Variants in PAPPA observed in about 807,000 individuals in gnomAD.
PAPPA encodes pappalysin 1.
A neutral mutation model predicts 164.0 loss-of-function variants in PAPPA; 60 were observed. The ratio of observed to expected loss-of-function variants is 0.37; its 90% CI spans 0.30 to 0.45. The LOEUF (loss-of-function observed/expected upper bound fraction) is 0.45. Among genes scored for constraint, PAPPA ranks in the 20% least tolerant of loss-of-function variants. PAPPA has a pLI of 1.00. For synonymous variants in PAPPA, 875 were observed against 814.1 expected (o/e 1.07, Z -1.27); for missense variants, 1,782 against 2,087.3 (o/e 0.85, Z 2.85).
At chr9:116,306,364 A>C (rs945491823) in intron 10 of PAPPA, among the ~76,000 whole-genome samples, 3 of 152,212 alleles carry the variant, frequency 2.0e-5, no homozygotes, top group African/African-American at 4.8e-5. Flanking sequence ...TTCAGTTTTG[A>C]TGTTGTAAAA....
intron 7 of PAPPA, among the ~76,000 whole-genome samples, chr9:116,237,148 C>T (rs1844678268): frequency 6.6e-6 from 1 of 152,194 alleles, no homozygotes; most frequent in Non-Finnish European, 1.5e-5. Flanking sequence ...AAGGGCAGAA[C>T]CACTTTCAAA....
At chr9:116,262,215 A>C (rs1001092441) in intron 7 of PAPPA, among the ~76,000 whole-genome samples, 1 of 152,040 alleles carries the variant, frequency 6.6e-6, no homozygotes, top group African/African-American at 2.4e-5. Flanking sequence ...AAAAAAAAAA[A>C]AATCGCAAAG....
chr9:116,374,177 TGATGATGGTGG>T (rs1846617522), intron 19 of PAPPA, among the ~76,000 whole-genome samples: 4 of 116,342 alleles, frequency 3.4e-5, no homozygotes, highest in Admixed American at 2.0e-4. Context: ...GTGTTGATGA[TGATGATGGTGG>T]TGATGATGAT....
At chr9:116,225,441 C>A (rs936108952) in intron 5 of PAPPA, among the ~76,000 whole-genome samples, 2 of 152,168 alleles carry the variant, frequency 1.3e-5, no homozygotes, top group African/African-American at 4.8e-5. Context: ...ATCCTATATT[C>A]CATTGCCCAG....
intron 13 of PAPPA, among the ~76,000 whole-genome samples, chr9:116,336,091 A>G (rs1214193994): frequency 6.6e-6 from 1 of 152,168 alleles, no homozygotes; most frequent in African/African-American, 2.4e-5. Context: ...AGGGCCCAGA[A>G]AGGGAAGAAC....
chr9:116,396,071 A>G (rs181924205), intron 21 of PAPPA, among the ~76,000 whole-genome samples: 1 of 152,288 alleles, frequency 6.6e-6, no homozygotes, highest in Non-Finnish European at 1.5e-5. Flanking sequence ...TATCAGCTCT[A>G]CATAGGGACC....
intron 2 of PAPPA, among the ~76,000 whole-genome samples, chr9:116,192,570 G>T (rs1844055428): frequency 6.6e-6 from 1 of 152,168 alleles, no homozygotes; most frequent in African/African-American, 2.4e-5. Context: ...CCACCTAGTG[G>T]GTAAGACAGA....
At position 116,188,019 on chromosome 9, in the gene PAPPA, G is replaced by A. The variant is rs1843997584; in HGVS notation, c.1281G>A (p.Glu427=). The A allele has an allele frequency of 6.2e-7, 1 of 1,614,180 alleles. No individual in the cohort carries two copies. The highest frequency in any genetic ancestry group is 2.2e-5 in the East Asian group (1 of 44,878). Reference sequence around the variant, plus strand: ...TTGGGGATGAGAACTGTGACCCCGAGTGCAACCACACGCTGACGGGCCACG... The same window carrying A: ...TTGGGGATGAGAACTGTGACCCCGAATGCAACCACACGCTGACGGGCCACG... ...SKIGDENCDP[E]CNHTLTGHDG... Residue 427 remains glutamate (E), a synonymous_variant, in exon 2 of 22, where the codon GAG becomes GAA. Transcript: ENST00000328252.
intron 7 of PAPPA, among the ~76,000 whole-genome samples, chr9:116,249,408 A>G (rs1272713122): frequency 1.3e-5 from 2 of 152,090 alleles, no homozygotes; most frequent in Non-Finnish European, 2.9e-5. Context: ...CAGGGGTTAG[A>G]TCATGATGAT....
At position 116,353,103 on chromosome 9, in the gene PAPPA, T is replaced by TA. The variant is rs549243500; in HGVS notation, c.4175+189dup. On this transcript the variant is annotated intron_variant, in intron 16 of 21. Transcript: ENST00000328252. ...GCTTTGGGTCAAACAGAACAAACTT[T>TA]AAGTTTCAGCTTGGCTGCCTAATGG... is the stretch of plus-strand genomic sequence containing the variant. 8.4e-3 allele frequency among the ~76,000 whole-genome samples: 1,275 copies of TA among 152,338 alleles called. 16 individuals are homozygous for TA. The highest frequency in any genetic ancestry group is 0.029 in the African/African-American group (1,220 of 41,568).
At chr9:116,179,936 C>A (rs1843883652) in intron 1 of PAPPA, among the ~76,000 whole-genome samples, 1 of 152,060 alleles carries the variant, frequency 6.6e-6, no homozygotes, top group Non-Finnish European at 1.5e-5. Context: ...TGAAAGAAAC[C>A]AGATTGTTGA....
chr9:116,155,953 A>G (rs767766760), intron 1 of PAPPA, among the ~76,000 whole-genome samples: 1 of 151,478 alleles, frequency 6.6e-6, no homozygotes, highest in African/African-American at 2.4e-5. Flanking sequence ...ATTCACTTTT[A>G]ACTCGCAAGC....
At chr9:116,210,409 C>A (rs1844292229) in intron 3 of PAPPA, among the ~76,000 whole-genome samples, 1 of 152,126 alleles carries the variant, frequency 6.6e-6, no homozygotes, top group Admixed American at 6.6e-5. Context: ...TAAGATAAAA[C>A]CCTCCATGCC....
At chr9:116,287,891 C>T (rs373157984) in intron 9 of PAPPA, among the ~76,000 whole-genome samples, 1 of 152,172 alleles carries the variant, frequency 6.6e-6, no homozygotes, top group Non-Finnish European at 1.5e-5. Flanking sequence ...TAGCCAATGA[C>T]TCAATCTGCA....
intron 17 of PAPPA, among the ~76,000 whole-genome samples, chr9:116,354,460 T>C (rs148967812): frequency 6.6e-6 from 1 of 152,304 alleles, no homozygotes; most frequent in African/African-American, 2.4e-5. Context: ...ATAACCCAAG[T>C]CCTGTGTTTC....
At chr9:116,175,893 T>C (rs528462966) in intron 1 of PAPPA, among the ~76,000 whole-genome samples, 1 of 152,198 alleles carries the variant, frequency 6.6e-6, no homozygotes, top group South Asian at 2.1e-4. Context: ...AAAAACAGTA[T>C]TAGGACCTCA....
intron 1 of PAPPA, among the ~76,000 whole-genome samples, chr9:116,172,607 A>G (rs1336111909): frequency 6.6e-6 from 1 of 152,070 alleles, no homozygotes; most frequent in Non-Finnish European, 1.5e-5. Context: ...TACTCCTAAA[A>G]CACATATTTC....
At chr9:116,208,284 A>G (rs62574179) in intron 3 of PAPPA, among the ~76,000 whole-genome samples, 6,146 of 152,278 alleles carry the variant, frequency 0.04, 172 homozygotes, top group Middle Eastern at 0.092. Flanking sequence ...ATCTATATGT[A>G]AACATGCATT....
At chr9:116,167,367 T>A (rs1002301156) in intron 1 of PAPPA, among the ~76,000 whole-genome samples, 1 of 152,258 alleles carries the variant, frequency 6.6e-6, no homozygotes, top group Non-Finnish European at 1.5e-5. Context: ...GTTTTATTTG[T>A]ATTATTTTTA....
Sources: gnomAD v4.1 joint callset for allele counts (sites outside exome capture counted in the v4.1 genomes callset) on GRCh38, gnomAD v4.1.1 for gene constraint, MANE v1.5 for transcripts, NCBI Gene and HGNC (gene_info 2026-07-23, HGNC 2026-07-21) for gene names.